RICTOR: variants seen among roughly 807,000 people sequenced by gnomAD.
The protein encoded by RICTOR is rapamycin-insensitive companion of mTOR.
In RICTOR, 49 loss-of-function variants were observed where a neutral mutation model predicts 214.9. That is an observed-to-expected ratio of 0.23 (90% CI 0.18 to 0.29). The LOEUF (loss-of-function observed/expected upper bound fraction) is 0.29, where lower values mean the gene tolerates loss of function less well. Ranked by LOEUF, RICTOR falls within the 10% of genes least tolerant of loss-of-function variation. The pLI is 1.00. For missense variants in RICTOR, 1,625 were observed against 2,047.0 expected (o/e 0.79, Z 3.98); for synonymous variants, 717 against 711.3 (o/e 1.01, Z -0.13).
chr5:38,974,275 C>G (rs944068421), intron 10 of RICTOR, among the ~76,000 whole-genome samples: 2 of 151,498 alleles, frequency 1.3e-5, no homozygotes, highest in Non-Finnish European at 2.9e-5. Flanking sequence ...GTCTTGAACC[C>G]TTGACCTCAG....
chr5:39,022,941 C>CT (rs1254641683), intron 2 of RICTOR, among the ~76,000 whole-genome samples: 7 of 152,056 alleles, frequency 4.6e-5, no homozygotes, highest in Admixed American at 2.0e-4. Context: ...TGGATGAAAA[C>CT]TTTCCAAATT....
chr5:38,953,158 C>A, intron 28 of RICTOR, 67 bp from the exon 29 acceptor site: 2 of 1,143,750 alleles, frequency 1.7e-6, no homozygotes, highest in African/African-American at 1.6e-5. Flanking sequence ...GGAAAGCTAC[C>A]AAGAAACAAA....
At position 38,941,233 on chromosome 5, in the gene RICTOR, A is replaced by C. The variant is rs1561428605; in HGVS notation, c.*1071T>G. On this transcript the variant is annotated 3_prime_UTR_variant, in exon 38 of 38. Coordinates refer to ENST00000357387, the MANE Select transcript of RICTOR (RefSeq NM_152756.5). ...CTGCATTTAGTTTGTGCAAAACAAA[A>C]ACACTGATATAAAAATTAAGTTACT... 1 of 232,732 alleles carries C rather than the reference A, an allele frequency of 4.3e-6. No individual in the cohort carries two copies. Among genetic ancestry groups the C allele is most frequent in the Non-Finnish European group, 8.5e-6 (1 of 117,546 alleles). 14.4% of individuals were successfully genotyped at this position (232,732 alleles called of 1,614,324 possible).
intron 2 of RICTOR, among the ~76,000 whole-genome samples, chr5:39,066,414 G>A (rs1200641402): frequency 6.6e-6 from 1 of 152,222 alleles, no homozygotes; most frequent in African/African-American, 2.4e-5. Context: ...GAGAGGGGCT[G>A]CTGTGAAGGT....
intron 6 of RICTOR, among the ~76,000 whole-genome samples, chr5:38,993,925 G>A (rs1382413691): frequency 6.6e-6 from 1 of 152,200 alleles, no homozygotes; most frequent in African/African-American, 2.4e-5. Context: ...GCTCACGCCT[G>A]TAATCCCAGC....
intron 2 of RICTOR, among the ~76,000 whole-genome samples, chr5:39,028,943 C>T (rs998731029): frequency 6.6e-6 from 1 of 152,080 alleles, no homozygotes; most frequent in Non-Finnish European, 1.5e-5. Context: ...ACTACTTATA[C>T]ATACAACATA....
rs1191768366 is a variant in RICTOR at position 38,955,663 on chromosome 5, G to C, written c.2541C>G (p.Leu847=). The C allele has an allele frequency of 1.2e-6, 2 of 1,609,382 alleles. No individual in the cohort carries two copies. Among genetic ancestry groups the C allele is most frequent in the East Asian group, 2.2e-5 (1 of 44,822 alleles). Residue 847 remains leucine, a synonymous_variant, in exon 26 of 38, where the codon CTC becomes CTG. Transcript: ENST00000357387. ...SKYVDLIEEQ[L]NEALTTYRKP... ...TCCGGTAAGTAGTAAGTGCTTCATT[G>C]AGTTGTTCCTCAATCAAGTCAACAT...
chr5:39,020,213 C>T (rs1001845605), intron 3 of RICTOR, among the ~76,000 whole-genome samples: 2 of 152,086 alleles, frequency 1.3e-5, no homozygotes, highest in Non-Finnish European at 2.9e-5. Flanking sequence ...ACAAATAATT[C>T]AGAATATTAC....
At chr5:39,010,756 G>A (rs1580091718) in intron 3 of RICTOR, among the ~76,000 whole-genome samples, 1 of 152,288 alleles carries the variant, frequency 6.6e-6, no homozygotes, top group Non-Finnish European at 1.5e-5. Context: ...AAATGATTTA[G>A]GGTATCTGGT....
chr5:38,973,127 AG>A (rs1275472997), intron 10 of RICTOR, among the ~76,000 whole-genome samples: 2 of 152,164 alleles, frequency 1.3e-5, no homozygotes, highest in Non-Finnish European at 2.9e-5. Flanking sequence ...ACTAGGAAAG[AG>A]TATAAGAGAA....
intron 5 of RICTOR, among the ~76,000 whole-genome samples, chr5:38,999,441 G>C (rs1753447264): frequency 6.6e-6 from 1 of 152,058 alleles, no homozygotes; most frequent in Non-Finnish European, 1.5e-5. Flanking sequence ...GTAACTGGTA[G>C]TGAAAACAGC....
chr5:39,065,512 C>T (rs979722689), intron 2 of RICTOR, among the ~76,000 whole-genome samples: 6 of 152,172 alleles, frequency 3.9e-5, no homozygotes, highest in Non-Finnish European at 5.9e-5. Context: ...TCATGCCTTC[C>T]CAACAGTCTC....
intron 3 of RICTOR, among the ~76,000 whole-genome samples, chr5:39,005,315 T>A (rs946481639): frequency 6.6e-6 from 1 of 152,188 alleles, no homozygotes; most frequent in Non-Finnish European, 1.5e-5. Context: ...ATGCCAGATC[T>A]TCTCATGTGT....
intron 2 of RICTOR, among the ~76,000 whole-genome samples, chr5:39,053,819 G>A (rs1758012439): frequency 6.7e-6 from 1 of 148,288 alleles, no homozygotes; most frequent in Non-Finnish European, 1.5e-5. Context: ...GTGAACCCCA[G>A]GGGGCGGAGC....
At chr5:39,065,266 G>A (rs1758817399) in intron 2 of RICTOR, among the ~76,000 whole-genome samples, 1 of 152,110 alleles carries the variant, frequency 6.6e-6, no homozygotes, top group African/African-American at 2.4e-5. Context: ...GGAGCTGGGG[G>A]GAAGGAGCCA....
chr5:38,985,118 T>C (rs1752062888), intron 7 of RICTOR, among the ~76,000 whole-genome samples: 1 of 152,118 alleles, frequency 6.6e-6, no homozygotes, highest in African/African-American at 2.4e-5. Flanking sequence ...GCCTAAAATA[T>C]GTTGCTTAGC....
At chr5:39,003,664 A>G in intron 3 of RICTOR, 42 bp from the exon 4 acceptor site, 1 of 1,186,240 alleles carries the variant, frequency 8.4e-7, no homozygotes, top group Non-Finnish European at 1.3e-6. Flanking sequence ...TGTGTTGTAT[A>G]TTTTCACATA....
At chr5:38,962,199 G>T (rs1368673881) in intron 19 of RICTOR, 116 bp downstream of exon 19, 3 of 429,756 alleles carry the variant, frequency 7.0e-6, no homozygotes, top group Non-Finnish European at 1.3e-5. Context: ...CTATTGAAGA[G>T]ACATTGTTAA....
chr5:38,944,510 G>A lies in RICTOR; in HGVS notation c.4849C>T (p.Leu1617=). The A allele has an allele frequency of 6.2e-7, 1 of 1,612,176 alleles. No homozygotes were observed. Among genetic ancestry groups the A allele is most frequent in the Non-Finnish European group, 8.5e-7 (1 of 1,178,952 alleles). The part of the protein sequence containing the change: ...MCRILLRKEV[L]RLVINLSSSV... ...CTACTCAAATTAATGACTAATCTTA[G>A]AACTTCTTTGCGAAGGAGTATACGG... The change falls in exon 36 of 38, where the codon CTA becomes TTA. Residue 1617 remains leucine (L), a synonymous_variant. Coordinates refer to ENST00000357387, the MANE Select transcript of RICTOR (RefSeq NM_152756.5).
Sources: allele counts gnomAD v4.1 joint callset (sites outside exome capture counted in the v4.1 genomes callset), GRCh38; gene constraint gnomAD v4.1.1; transcripts MANE v1.5; gene names NCBI Gene and HGNC (gene_info 2026-07-23, HGNC 2026-07-21).